ADGRL2: variants seen among roughly 807,000 people sequenced by gnomAD.
The protein encoded by ADGRL2 is calcium-independent alpha-latrotoxin receptor 2.
Under a neutral mutation model 157.4 loss-of-function variants are expected in ADGRL2, and 44 were observed. That is an observed-to-expected ratio of 0.28 (90% CI 0.22 to 0.36). The LOEUF (loss-of-function observed/expected upper bound fraction) is 0.36, where lower values mean the gene tolerates loss of function less well. Among genes scored for constraint, ADGRL2 ranks in the 10% least tolerant of loss-of-function variants. The pLI, the probability that ADGRL2 is intolerant of heterozygous loss-of-function variation, is 1.00. For missense variants in ADGRL2, 1,510 were observed against 1,768.9 expected, an observed-to-expected ratio of 0.85 and a Z score of 2.63; for synonymous variants, 585 against 624.7, an observed-to-expected ratio of 0.94 and a Z score of 0.95.
At chr1:81,967,250 C>G (rs1657343088) in intron 13 of ADGRL2, among the ~76,000 whole-genome samples, 1 of 145,838 alleles carries the variant, frequency 6.9e-6, no homozygotes, top group African/African-American at 2.5e-5. Flanking sequence ...ATATCTGCTT[C>G]AGTTGATTGA....
chr1:81,928,899 C>G (rs1006153372), intron 3 of ADGRL2, among the ~76,000 whole-genome samples: 4 of 149,354 alleles, frequency 2.7e-5, no homozygotes, highest in African/African-American at 9.9e-5. Context: ...GAAAGTAACT[C>G]AGGAAAAAAA....
chr1:81,386,031 C>T (rs1030570216), intron 1 of ADGRL2, among the ~76,000 whole-genome samples: 2 of 152,066 alleles, frequency 1.3e-5, no homozygotes, highest in Non-Finnish European at 2.9e-5. Flanking sequence ...ATGGCTTCAG[C>T]GCAATCCTCA....
chr1:81,695,383 T>C (rs2083422108), upstream of ADGRL2, among the ~76,000 whole-genome samples: 1 of 152,180 alleles, frequency 6.6e-6, no homozygotes, highest in Non-Finnish European at 1.5e-5. Flanking sequence ...TAGACACTAT[T>C]TTCTTTTCTA....
intron 2 of ADGRL2, chr1:81,514,550 A>C (rs2079138766): frequency 6.6e-6 from 1 of 152,198 alleles, no homozygotes; most frequent in East Asian, 1.9e-4. Context: ...AACCCACAAC[A>C]CATTTTTTGC....
chr1:81,962,940 A>T (rs574717906), intron 11 of ADGRL2, among the ~76,000 whole-genome samples: 46 of 152,134 alleles, frequency 3.0e-4, no homozygotes, highest in Non-Finnish European at 4.9e-4. Context: ...AAATCAATGG[A>T]TCCAGTTCCA....
intron 2 of ADGRL2, among the ~76,000 whole-genome samples, chr1:81,554,791 G>A (rs918162262): frequency 4.6e-5 from 7 of 152,022 alleles, no homozygotes; most frequent in African/African-American, 1.7e-4. Context: ...ATTTGTTGGT[G>A]TCAGGCTGGT....
chr1:81,312,077 C>A (rs1009388710), intron 1 of ADGRL2, among the ~76,000 whole-genome samples: 1 of 152,130 alleles, frequency 6.6e-6, no homozygotes, highest in Non-Finnish European at 1.5e-5. Context: ...GGAAATTATT[C>A]TTTGTCCTGA....
chr1:81,827,286 A>G (rs2091572089), intron 1 of ADGRL2, among the ~76,000 whole-genome samples: 1 of 152,174 alleles, frequency 6.6e-6, no homozygotes, highest in South Asian at 2.1e-4. Context: ...TTTCATATGG[A>G]TAAGTAGCTA....
intron 2 of ADGRL2, among the ~76,000 whole-genome samples, chr1:81,770,153 CTTTTTTTTTTTTTTTTTTT>C (rs150798264): frequency 3.4e-5 from 2 of 59,614 alleles, no homozygotes; most frequent in East Asian, 7.9e-4. Flanking sequence ...CTGCACCCAG[CTTTTTTTTTTTTTTTTTTT>C]TTTTTTTTGA....
chr1:81,729,235 T>G (rs2084641551), intron 1 of ADGRL2, among the ~76,000 whole-genome samples: 1 of 152,144 alleles, frequency 6.6e-6, no homozygotes, highest in East Asian at 1.9e-4. Flanking sequence ...TTGCTAAGCT[T>G]CGCTGTATTT....
intron 2 of ADGRL2, among the ~76,000 whole-genome samples, chr1:81,485,965 A>T (rs1173115512): frequency 6.6e-6 from 1 of 152,154 alleles, no homozygotes; most frequent in African/African-American, 2.4e-5. Flanking sequence ...CACTCTCCTC[A>T]TGCTTTGTGT....
chr1:81,517,069 T>A (rs775917667), intron 2 of ADGRL2, among the ~76,000 whole-genome samples: 1 of 152,196 alleles, frequency 6.6e-6, no homozygotes, highest in East Asian at 1.9e-4. Context: ...AATCATATTC[T>A]GCTACAAGTA....
intron 1 of ADGRL2, among the ~76,000 whole-genome samples, chr1:81,338,403 C>A (rs1661810232): frequency 6.6e-6 from 1 of 152,030 alleles, no homozygotes; most frequent in Non-Finnish European, 1.5e-5. Flanking sequence ...AAACAAAAAA[C>A]TACTCTTAAT....
intron 5 of ADGRL2, 146 bp from the exon 6 acceptor site, chr1:81,942,823 G>C: frequency 1.4e-6 from 1 of 706,034 alleles, no homozygotes; most frequent in South Asian, 1.5e-5. Flanking sequence ...AGAAAAGAAG[G>C]GTAGTATTTG....
intron 1 of ADGRL2, among the ~76,000 whole-genome samples, chr1:81,397,737 T>C (rs941919334): frequency 3.3e-5 from 5 of 152,208 alleles, no homozygotes; most frequent in African/African-American, 1.2e-4. Context: ...TAACATGTGG[T>C]CTATGCTGAA....
At chr1:81,646,582 C>A (rs1286412188) in intron 3 of ADGRL2, among the ~76,000 whole-genome samples, 1 of 152,124 alleles carries the variant, frequency 6.6e-6, no homozygotes, top group African/African-American at 2.4e-5. Context: ...CAACAAAATT[C>A]ATTCATATTA....
At chr1:81,861,718 G>A (rs1317352867) in intron 2 of ADGRL2, among the ~76,000 whole-genome samples, 1 of 152,052 alleles carries the variant, frequency 6.6e-6, no homozygotes, top group Non-Finnish European at 1.5e-5. Flanking sequence ...GTGAAACCCT[G>A]TTTTTACTAA....
chr1:81,559,358 T>A (rs1318497918), intron 2 of ADGRL2, among the ~76,000 whole-genome samples: 2 of 152,042 alleles, frequency 1.3e-5, no homozygotes, highest in African/African-American at 4.8e-5. Flanking sequence ...GTGATGGATA[T>A]AAATACGATG....
chr1:81,545,372 C>T (rs1335644034), intron 2 of ADGRL2, among the ~76,000 whole-genome samples: 3 of 151,680 alleles, frequency 2.0e-5, no homozygotes, highest in East Asian at 1.9e-4. Context: ...CTGCAACCTC[C>T]GCCTCCCAGG....
Sources: gnomAD v4.1 joint callset for allele counts (sites outside exome capture counted in the v4.1 genomes callset) on GRCh38, gnomAD v4.1.1 for gene constraint, MANE v1.5 for transcripts, NCBI Gene and HGNC (gene_info 2026-07-23, HGNC 2026-07-21) for gene names.